CNTLN: variants seen among roughly 807,000 people sequenced by gnomAD.
CNTLN encodes the protein centlein.
A neutral mutation model predicts 180.0 loss-of-function variants in CNTLN; 212 were observed. That is an observed-to-expected ratio of 1.18 (90% CI 1.05 to 1.32). The LOEUF (loss-of-function observed/expected upper bound fraction) is 1.32, where lower values mean the gene tolerates loss of function less well. Among genes scored for constraint, CNTLN ranks in the 40% most tolerant of loss-of-function variants. The pLI is 0.00. For synonymous variants in CNTLN, 722 were observed against 563.1 expected (o/e 1.28, Z -3.99); for missense variants, 2,095 against 1,610.9 (o/e 1.30, Z -5.14).
intron 13 of CNTLN, among the ~76,000 whole-genome samples, chr9:17,382,629 T>A (rs1825348521): frequency 6.6e-6 from 1 of 152,300 alleles, no homozygotes; most frequent in East Asian, 1.9e-4. Context: ...TTAAGGAGAA[T>A]AACAAAAATT....
intron 6 of CNTLN, among the ~76,000 whole-genome samples, chr9:17,293,870 A>G (rs1817591479): frequency 6.6e-6 from 1 of 151,940 alleles, no homozygotes; most frequent in South Asian, 2.1e-4. Flanking sequence ...GCATGGGCTC[A>G]TTGGGGGACC....
chr9:17,494,655 A>G (rs1034121888), intron 25 of CNTLN, among the ~76,000 whole-genome samples: 11 of 152,070 alleles, frequency 7.2e-5, no homozygotes, highest in African/African-American at 2.4e-4. Flanking sequence ...TAGTTTGCTA[A>G]GGGTATAATG....
At chr9:17,138,718 A>C (rs1356226664) in intron 1 of CNTLN, among the ~76,000 whole-genome samples, 1 of 152,180 alleles carries the variant, frequency 6.6e-6, no homozygotes, top group Non-Finnish European at 1.5e-5. Context: ...ATGACCAAAT[A>C]TTTGTTTAGA....
chr9:17,514,500 A>G, the CNTLN span, among the ~76,000 whole-genome samples: 4 of 152,200 alleles, frequency 2.6e-5, no homozygotes, highest in African/African-American at 9.7e-5. Flanking sequence ...AAAGGATCCC[A>G]TAAGTGATGG....
At chr9:17,279,413 C>T (rs1828520817) in intron 6 of CNTLN, among the ~76,000 whole-genome samples, 1 of 152,122 alleles carries the variant, frequency 6.6e-6, no homozygotes, top group African/African-American at 2.4e-5. Flanking sequence ...TGTTGGCATC[C>T]AATTTAGCCA....
intron 18 of CNTLN, among the ~76,000 whole-genome samples, chr9:17,437,860 G>GGA (rs926962356): frequency 1.3e-5 from 2 of 152,062 alleles, no homozygotes; most frequent in African/African-American, 4.8e-5. Context: ...AAATGCATGT[G>GGA]GAGAGAGAGA....
intron 12 of CNTLN, among the ~76,000 whole-genome samples, chr9:17,355,790 C>T (rs993806950): frequency 2.0e-5 from 3 of 152,226 alleles, no homozygotes; most frequent in Admixed American, 1.3e-4. Context: ...CCAGGCTGGG[C>T]GCAGTGGCTC....
chr9:17,459,582 C>T (rs550120865), intron 19 of CNTLN, among the ~76,000 whole-genome samples: 6 of 151,822 alleles, frequency 4.0e-5, no homozygotes, highest in East Asian at 1.9e-4. Context: ...GTAGAGATTC[C>T]GTAACAAAAT....
intron 2 of CNTLN, among the ~76,000 whole-genome samples, chr9:17,175,967 TTTTA>T (rs1413433005): frequency 6.6e-6 from 1 of 152,158 alleles, no homozygotes; most frequent in Non-Finnish European, 1.5e-5. Flanking sequence ...ATTTCTAAGA[TTTTA>T]TTTTTTTAAT....
intron 8 of CNTLN, among the ~76,000 whole-genome samples, chr9:17,324,077 A>G (rs900870330): frequency 1.3e-5 from 2 of 152,218 alleles, no homozygotes; most frequent in African/African-American, 4.8e-5. Context: ...GTTTTAATGT[A>G]TAGAGATGAT....
chr9:17,292,008 C>A (rs764862815), intron 6 of CNTLN, among the ~76,000 whole-genome samples: 3 of 152,140 alleles, frequency 2.0e-5, no homozygotes, highest in Admixed American at 6.6e-5. Context: ...TGACTAATTA[C>A]CTCAGCATTT....
Position 17,468,016 on chromosome 9 carries a change from T to G in CNTLN, c.3855+1125T>G, listed in dbSNP as rs140352953. Among the ~76,000 whole-genome samples, 3 of 151,678 alleles carry G rather than the reference T, an allele frequency of 2.0e-5. No individual in the cohort carries two copies. In the East Asian group the frequency reaches 5.8e-4, roughly 29 times the overall value. Reference sequence around the variant, plus strand: ...AAATGCCCATAAACAATAGACTGGATTAAGAAATTGTAGTACATACACACC... The same window carrying G: ...AAATGCCCATAAACAATAGACTGGAGTAAGAAATTGTAGTACATACACACC... On this transcript the variant is annotated intron_variant, in intron 23 of 25. Coordinates refer to ENST00000380647, the MANE Select transcript of CNTLN (RefSeq NM_017738.4).
intron 18 of CNTLN, among the ~76,000 whole-genome samples, chr9:17,453,866 A>G (rs1830951813): frequency 6.6e-6 from 1 of 152,212 alleles, no homozygotes; most frequent in South Asian, 2.1e-4. Context: ...CCCTGATCTC[A>G]GAGAATGCCT....
intron 6 of CNTLN, among the ~76,000 whole-genome samples, chr9:17,293,995 G>T (rs761321751): frequency 6.6e-6 from 1 of 152,136 alleles, no homozygotes; most frequent in African/African-American, 2.4e-5. Context: ...ATGAAGCCAC[G>T]GACCCTTGCG....
intron 10 of CNTLN, among the ~76,000 whole-genome samples, chr9:17,338,403 C>T (rs377449344): frequency 2.3e-4 from 31 of 134,812 alleles, no homozygotes; most frequent in African/African-American, 7.3e-4. Context: ...AAACTCCTGA[C>T]CTCAAGTGGT....
chr9:17,140,534 G>A (rs1443403088), intron 1 of CNTLN, among the ~76,000 whole-genome samples: 4 of 151,958 alleles, frequency 2.6e-5, no homozygotes, highest in Non-Finnish European at 5.9e-5. Flanking sequence ...TTGACCTCCC[G>A]GGCTCAGCAA....
chr9:17,393,341 T>C (rs910588794), intron 14 of CNTLN, among the ~76,000 whole-genome samples: 2 of 152,234 alleles, frequency 1.3e-5, no homozygotes, highest in African/African-American at 4.8e-5. Flanking sequence ...ATCAAACATG[T>C]TTCTCTTTGA....
At chr9:17,475,955 C>T (rs1832317611) in intron 23 of CNTLN, among the ~76,000 whole-genome samples, 1 of 149,964 alleles carries the variant, frequency 6.7e-6, no homozygotes, top group Non-Finnish European at 1.5e-5. Flanking sequence ...TGCTTTATTG[C>T]TTTTCTCAGA....
At chr9:17,195,677 G>C (rs954751486) in intron 2 of CNTLN, among the ~76,000 whole-genome samples, 2 of 152,116 alleles carry the variant, frequency 1.3e-5, no homozygotes, top group South Asian at 4.1e-4. Flanking sequence ...AGAGAATCGG[G>C]AAGGAAAAAA....
Sources: allele counts gnomAD v4.1 joint callset (sites outside exome capture counted in the v4.1 genomes callset), GRCh38; gene constraint gnomAD v4.1.1; transcripts MANE v1.5; gene names NCBI Gene and HGNC (gene_info 2026-07-23, HGNC 2026-07-21).